Variants in SLC7A5 observed in about 807,000 individuals in gnomAD.
SLC7A5 encodes the protein large neutral amino acids transporter small subunit 1.
A neutral mutation model predicts 50.2 loss-of-function variants in SLC7A5; 23 were observed. That is an observed-to-expected ratio of 0.46 (90% CI 0.33 to 0.65). The LOEUF is 0.65. Ranked by LOEUF, SLC7A5 falls within the 30% of genes least tolerant of loss-of-function variation. The pLI, the probability that SLC7A5 is intolerant of heterozygous loss-of-function variation, is 0.02. For missense variants in SLC7A5, 578 were observed against 684.4 expected (o/e 0.84, Z 1.73); for synonymous variants, 393 against 330.6 (o/e 1.19, Z -2.05).
rs1012625658 is a variant in SLC7A5 at position 87,853,848 on chromosome 16, C to T, written c.539-1999G>A. 2 of 152,210 alleles carry T rather than the reference C, an allele frequency of 1.3e-5. No individual in the cohort carries two copies. The highest frequency in any genetic ancestry group is 4.8e-5 in the African/African-American group (2 of 41,454). 9.4% of individuals were successfully genotyped at this position (152,210 alleles called of 1,614,324 possible). ...AAGGGAGAGAGGCACGCTGCCACCACTGAACTCCAGACACCAGACAGGCGC... is the reference window on the plus strand; with the variant it reads ...AAGGGAGAGAGGCACGCTGCCACCATTGAACTCCAGACACCAGACAGGCGC... On this transcript the variant is annotated intron_variant, in intron 1 of 9. Coordinates refer to ENST00000261622, the MANE Select transcript of SLC7A5 (RefSeq NM_003486.7). The surrounding 1 kb of genome is among the most constrained non-coding windows in gnomAD (Gnocchi z 4.4).
rs566543772 is a variant in SLC7A5, at chr16:87,861,734, A to G, written c.538+7151T>C. ...CACATTTCTGGGCAAGATTCTGCAC[A>G]TTCTGCTGGATTATGAAAGAGGTCT... On this transcript the variant is annotated intron_variant, in intron 1 of 9. Transcript: ENST00000261622. This position sits in a 1 kb window ranked among gnomAD's most constrained non-coding sequence, Gnocchi z 4.2. Among the ~76,000 whole-genome samples the G allele has an allele frequency of 1.3e-5, 2 of 152,280 alleles. No individual in the cohort carries two copies. The highest frequency in any genetic ancestry group is 1.9e-4 in the East Asian group (1 of 5,174).
intron 1 of SLC7A5, among the ~76,000 whole-genome samples, chr16:87,859,656 C>G (rs987380346): frequency 4.6e-5 from 7 of 152,100 alleles, no homozygotes; most frequent in African/African-American, 1.4e-4. Flanking sequence ...AAACACAGAT[C>G]TTGGCCTGGC....
At chr16:87,859,182 C>T (rs879602667) in intron 1 of SLC7A5, among the ~76,000 whole-genome samples, 9 of 152,238 alleles carry the variant, frequency 5.9e-5, no homozygotes, top group Admixed American at 5.9e-4. Context: ...TGGCTCCGGG[C>T]CACACAGCTT....
intron 1 of SLC7A5, among the ~76,000 whole-genome samples, chr16:87,855,200 G>A (rs1014259728): frequency 2.0e-5 from 3 of 152,184 alleles, no homozygotes; most frequent in East Asian, 1.9e-4. Context: ...CTCTCGCCAC[G>A]TGCCCTGCTG....
chr16:87,838,007 C>G (rs754081058), intron 6 of SLC7A5, 66 bp from the exon 7 acceptor site: 8 of 1,277,818 alleles, frequency 6.3e-6, no homozygotes, highest in Admixed American at 2.0e-5. Flanking sequence ...ACAGGGGACA[C>G]GCAGGCTGGG....
chr16:87,842,064 G>T (rs917401453), intron 2 of SLC7A5, among the ~76,000 whole-genome samples: 1 of 152,188 alleles, frequency 6.6e-6, no homozygotes, highest in Non-Finnish European at 1.5e-5. Flanking sequence ...CCAGACATCA[G>T]TCTCACAGAC....
chr16:87,867,179 C>T (rs1271247960), intron 1 of SLC7A5, among the ~76,000 whole-genome samples: 1 of 152,228 alleles, frequency 6.6e-6, no homozygotes, highest in Non-Finnish European at 1.5e-5. Context: ...CTCGGCCTCC[C>T]AAAGTGCTGG....
intron 2 of SLC7A5, among the ~76,000 whole-genome samples, chr16:87,847,110 G>C (rs1213420674): frequency 6.6e-6 from 1 of 152,326 alleles, no homozygotes; most frequent in Non-Finnish European, 1.5e-5. Flanking sequence ...TAGAAGCCCA[G>C]CTATGGGTCC....
At chr16:87,863,986 A>AATATATATATATATATCTATAT (rs2055429932) in intron 1 of SLC7A5, among the ~76,000 whole-genome samples, 1 of 83,280 alleles carries the variant, frequency 1.2e-5, no homozygotes, top group African/African-American at 3.9e-5. Context: ...ATCATTTAAA[A>AATATATATATATATATCTATAT]ATATATATAT....
At chr16:87,866,703 G>A (rs1172353685) in intron 1 of SLC7A5, among the ~76,000 whole-genome samples, 1 of 151,610 alleles carries the variant, frequency 6.6e-6, no homozygotes, top group African/African-American at 2.4e-5. Context: ...CTGACTTCAG[G>A]TGATCCGCCT....
chr16:87,851,630 T>C, intron 2 of SLC7A5, 94 bp downstream of exon 2: 1 of 1,486,326 alleles, frequency 6.7e-7, no homozygotes. Context: ...AGCTGCGGAC[T>C]GGGAGGCACC....
At position 87,861,074 on chromosome 16, in the gene SLC7A5, G is replaced by A. The variant is rs1422709605; in HGVS notation, c.538+7811C>T. Reference sequence around the variant, plus strand: ...AAGAGGGTGCTGCCACAGGGCCTCTGGGGAGCGTGCGGGCACACAGTACCA... The same window carrying A: ...AAGAGGGTGCTGCCACAGGGCCTCTAGGGAGCGTGCGGGCACACAGTACCA... On this transcript the variant is annotated intron_variant, in intron 1 of 9. Coordinates refer to ENST00000261622, the MANE Select transcript of SLC7A5 (RefSeq NM_003486.7). The surrounding 1 kb of genome is among the most constrained non-coding windows in gnomAD (Gnocchi z 4.2). 2.0e-5 allele frequency among the ~76,000 whole-genome samples: 3 copies of A among 152,210 alleles called. No individual in the cohort carries two copies. Among genetic ancestry groups the A allele is most frequent in the Non-Finnish European group, 4.4e-5 (3 of 68,030 alleles).
rs2055248857 is a variant in SLC7A5, at chr16:87,852,645, T to TGTGTGTGC, written c.539-797_539-796insGCACACAC. On this transcript the variant is annotated intron_variant, in intron 1 of 9. Coordinates refer to ENST00000261622, the MANE Select transcript of SLC7A5 (RefSeq NM_003486.7). This position sits in a 1 kb window ranked among gnomAD's most constrained non-coding sequence, Gnocchi z 4.5. ...GCACCCAGCTCTGAGCCTCTGTGTG[T>TGTGTGTGC]GTGTGTGTGTGTGTGTGTGTGTGTG... is the stretch of plus-strand genomic sequence containing the variant. Among the ~76,000 whole-genome samples, 1 of 112,852 alleles carries TGTGTGTGC rather than the reference T, an allele frequency of 8.9e-6. No homozygotes were observed. The highest frequency in any genetic ancestry group is 1.8e-5 in the Non-Finnish European group (1 of 56,828). 74.0% of individuals were successfully genotyped at this position (112,852 alleles called of 152,430 possible).
rs1050392675 is a variant in SLC7A5 at position 87,852,061 on chromosome 16, G to C, written c.539-212C>G. On this transcript the variant is annotated intron_variant, in intron 1 of 9. Transcript: ENST00000261622. This position sits in a 1 kb window ranked among gnomAD's most constrained non-coding sequence, Gnocchi z 4.5. The stretch of plus-strand genomic sequence containing the variant: ...AACTTCGCAGTCCTTTCAGGTCTAA[G>C]GGCTGGATCCCAGGTGCCCCTTAAG... Among the ~76,000 whole-genome samples the C allele has an allele frequency of 3.3e-5, 5 of 152,088 alleles. No individual in the cohort carries two copies. The highest frequency in any genetic ancestry group is 1.2e-4 in the African/African-American group (5 of 41,398).
At chr16:87,846,465 C>T (rs1597502251) in intron 2 of SLC7A5, among the ~76,000 whole-genome samples, 3 of 152,232 alleles carry the variant, frequency 2.0e-5, no homozygotes, top group African/African-American at 2.4e-5. Context: ...AAAACTCAGA[C>T]GTGGAAGCCC....
chr16:87,843,021 C>T (rs1342127994), intron 2 of SLC7A5, among the ~76,000 whole-genome samples: 1 of 152,132 alleles, frequency 6.6e-6, no homozygotes. Context: ...GCAGACCTGC[C>T]AGGCTGCTTG....
chr16:87,868,838 C>T, intron 1 of SLC7A5, 47 bp downstream of exon 1: 1 of 1,547,468 alleles, frequency 6.5e-7, no homozygotes, highest in Non-Finnish European at 8.8e-7. Context: ...GATGCAGGGA[C>T]CCAGAGACTA....
intron 1 of SLC7A5, among the ~76,000 whole-genome samples, chr16:87,865,069 C>T (rs565041645): frequency 6.6e-6 from 1 of 152,314 alleles, no homozygotes; most frequent in African/African-American, 2.4e-5. Context: ...CCCCAACACA[C>T]CTCCCTCTCT....
chr16:87,855,330 C>T (rs904336867), intron 1 of SLC7A5, among the ~76,000 whole-genome samples: 3 of 152,102 alleles, frequency 2.0e-5, no homozygotes, highest in Admixed American at 1.3e-4. Context: ...ACCTCAGAGA[C>T]CATGCAAGAA....
Sources: allele counts gnomAD v4.1 joint callset (sites outside exome capture counted in the v4.1 genomes callset), GRCh38; gene constraint gnomAD v4.1.1; non-coding constraint Gnocchi (gnomAD v3.1); transcripts MANE v1.5; gene names NCBI Gene and HGNC (gene_info 2026-07-23, HGNC 2026-07-21).